REN: variants seen among roughly 807,000 people sequenced by gnomAD.
REN encodes angiotensin-forming enzyme.
Under a neutral mutation model 48.6 loss-of-function variants are expected in REN, and 42 were observed. The observed-to-expected ratio is 0.86, with a 90% CI of 0.68 to 1.12. The LOEUF (loss-of-function observed/expected upper bound fraction) is 1.12, where lower values mean the gene tolerates loss of function less well. Ranked by LOEUF, REN falls within the 50% of genes most tolerant of loss-of-function variation. REN has a pLI of 0.00. For missense variants in REN, 443 were observed against 527.3 expected, an observed-to-expected ratio of 0.84 and a Z score of 1.57; for synonymous variants, 196 against 204.6, an observed-to-expected ratio of 0.96 and a Z score of 0.36.
rs371421405 is a variant in REN at position 204,155,921 on chromosome 1, G to C, written c.961-3C>G. The C allele has an allele frequency of 1.9e-6, 3 of 1,610,902 alleles. No homozygotes were observed. Among genetic ancestry groups the C allele is most frequent in the Non-Finnish European group, 1.7e-6 (2 of 1,177,592 alleles). ...CCCTCGTTACACTTCACGACATACT[G>C]GGGTGGGGGGCAAAGAGAGCCTTCT... On this transcript the variant is annotated splice_polypyrimidine_tract_variant and splice_region_variant and intron_variant, in intron 8 of 9. Coordinates refer to ENST00000272190, the MANE Select transcript of REN (RefSeq NM_000537.4).
intron 3 of REN, 135 bp from the exon 4 acceptor site, chr1:204,160,813 T>C (rs1222680354): frequency 2.6e-6 from 2 of 772,510 alleles, no homozygotes; most frequent in African/African-American, 3.4e-5. Flanking sequence ...GGGCTTGGAA[T>C]ATGTGCTTCA....
chr1:204,159,208 T>C lies in REN; in HGVS notation c.689+191A>G, dbSNP rs895682983. 5 of 675,096 alleles carry C rather than the reference T, an allele frequency of 7.4e-6. No homozygotes were observed. The African/African-American group carries it at 8.9e-5, about 12-fold the overall frequency. 41.8% of individuals were successfully genotyped at this position (675,096 alleles called of 1,614,324 possible). A position where few individuals can be genotyped will look rare whatever the true frequency, so the allele number is the denominator to read the frequency against. ...AAGAGCCACCAGTTGAATGCTTAAT[T>C]GATGCTTAACTGTATTTAATTAATT... On this transcript the variant is annotated intron_variant, in intron 5 of 9. Transcript: ENST00000272190.
rs1658161150 is a variant in REN at position 204,156,920 on chromosome 1, G to A, written c.699-124C>T. 7 of 1,244,806 alleles carry A rather than the reference G, an allele frequency of 5.6e-6. No individual in the cohort carries two copies. Among genetic ancestry groups the A allele is most frequent in the Middle Eastern group, 2.5e-4 (1 of 3,942 alleles). 77.1% of individuals were successfully genotyped at this position (1,244,806 alleles called of 1,614,324 possible). The stretch of plus-strand genomic sequence containing the variant: ...AGGGCTCTAGAGCAGAGGAATGTGG[G>A]ACAGACAGCCAGGCTCGGAGCTGTC... On this transcript the variant is annotated intron_variant, in intron 6 of 9. Coordinates refer to ENST00000272190, the MANE Select transcript of REN (RefSeq NM_000537.4). The surrounding 1 kb of genome is among the most constrained non-coding windows in gnomAD (Gnocchi z 4.2).
At position 204,166,205 on chromosome 1, in the gene REN, G is replaced by A; in HGVS notation, c.89C>T (p.Thr30Ile). 1 of 1,613,974 alleles carries A rather than the reference G, an allele frequency of 6.2e-7. No homozygotes were observed. Residue 30 changes from threonine to isoleucine, a missense_variant, in exon 1 of 10, where the codon ACC (threonine) becomes ATC (isoleucine). Transcript: ENST00000272190. ...CTFGLPTDTTTFKRIFLKRMP... is the reference protein window; with the variant it reads ...CTFGLPTDTTIFKRIFLKRMP... ...CTGAGTTACCAATTACCGTTTAAAG[G>A]TGGTGGTGTCTGTCGGGAGACCAAA...
At chr1:204,165,727 G>A (rs963973361) in intron 1 of REN, among the ~76,000 whole-genome samples, 5 of 152,150 alleles carry the variant, frequency 3.3e-5, no homozygotes, top group African/African-American at 9.6e-5. Context: ...AGTAGCTGGG[G>A]ATTACAAGTG....
In REN at chr1:204,159,408, T is replaced by C; in HGVS notation, c.680A>G (p.Tyr227Cys). The C allele has an allele frequency of 6.2e-7, 1 of 1,613,838 alleles. No individual in the cohort carries two copies. The highest frequency in any genetic ancestry group is 8.5e-7 in the Non-Finnish European group (1 of 1,179,890). Residue 227 changes from tyrosine (Y) to cysteine (C), a missense_variant, in exon 5 of 10, where the codon TAC (tyrosine) becomes TGC (cysteine). Tyr to Cys is a radical substitution (Grantham distance 194). Coordinates refer to ENST00000272190, the MANE Select transcript of REN (RefSeq NM_000537.4). The part of the protein sequence containing the change: ...GVLKEDVFSF[Y>C]YNRDSENSQS... Reference sequence around the variant, plus strand: ...GAGTCCCAGTCCCCACCTGTTGTAGTAGAAAGAGAAGACGTCCTCTTTTAG... The same window carrying C: ...GAGTCCCAGTCCCCACCTGTTGTAGCAGAAAGAGAAGACGTCCTCTTTTAG...
chr1:204,156,277 G>A lies in REN; in HGVS notation c.861C>T (p.Cys287=). The A allele has an allele frequency of 6.2e-7, 1 of 1,614,178 alleles. No individual in the cohort carries two copies. Among genetic ancestry groups the A allele is most frequent in the Non-Finnish European group, 8.5e-7 (1 of 1,180,042 alleles). Residue 287 remains cysteine, a synonymous_variant, in exon 8 of 10, where the codon TGC becomes TGT. Coordinates refer to ENST00000272190, the MANE Select transcript of REN (RefSeq NM_000537.4). The surrounding 1 kb of genome is among the most constrained non-coding windows in gnomAD (Gnocchi z 4.2). ...ATGCACCGGTGTCTACCAATGCCAG[G>A]CAGCCGTCTTCACAGAGCAAGGTGG... is the stretch of plus-strand genomic sequence containing the variant. ...GSSTLLCEDG[C]LALVDTGASY...
At chr1:204,160,152 G>C (rs1482792917) in intron 4 of REN, among the ~76,000 whole-genome samples, 2 of 152,176 alleles carry the variant, frequency 1.3e-5, no homozygotes, top group Non-Finnish European at 2.9e-5. Flanking sequence ...GCCTTGACCT[G>C]AGTCCCAGAG....
chr1:204,160,361 C>T (rs1658220779), intron 4 of REN, among the ~76,000 whole-genome samples, 199 bp downstream of exon 4: 1 of 152,246 alleles, frequency 6.6e-6, no homozygotes, highest in Non-Finnish European at 1.5e-5. Flanking sequence ...AACGGTGAGC[C>T]CGTAGCCCAG....
At chr1:204,161,469 G>T in intron 2 of REN, 54 bp from the exon 3 acceptor site, 1 of 1,404,056 alleles carries the variant, frequency 7.1e-7, no homozygotes. Flanking sequence ...TGGGTCTTGG[G>T]GTCTTGCCTG....
Position 204,155,014 on chromosome 1 carries a change from C to T in REN, c.*2G>A. The T allele has an allele frequency of 6.2e-7, 1 of 1,613,766 alleles. No homozygotes were observed. Among genetic ancestry groups the T allele is most frequent in the East Asian group, 2.2e-5 (1 of 44,886 alleles). ...CAGGGCCTGCCTGGGTGGCAGAGGG[C>T]CTCAGCGGGCCAAGGCGAAGCCAAT... is the stretch of plus-strand genomic sequence containing the variant. On this transcript the variant is annotated 3_prime_UTR_variant, in exon 10 of 10. Coordinates refer to ENST00000272190, the MANE Select transcript of REN (RefSeq NM_000537.4).
intron 1 of REN, among the ~76,000 whole-genome samples, chr1:204,163,911 A>G (rs1363922268): frequency 6.6e-6 from 1 of 152,188 alleles, no homozygotes; most frequent in Non-Finnish European, 1.5e-5. Flanking sequence ...CCTCAGAGTC[A>G]CTGTGCAGAT....
chr1:204,160,565 T>C lies in REN; in HGVS notation c.487A>G (p.Ile163Val). 1 of 1,612,004 alleles carries C rather than the reference T, an allele frequency of 6.2e-7. No homozygotes were observed. The highest frequency in any genetic ancestry group is 1.1e-5 in the South Asian group (1 of 91,048). ...CCTAGGGCGGCCCAACTTACGGTGA[T>C]GATGTCCTGGCTGAGAAAGCCACTG... ...TVSGFLSQDI[I>V]TVGGITVTQM... The change falls in exon 4 of 10, where the codon ATC becomes GTC. Residue 163 changes from isoleucine (I) to valine (V), a missense_variant. Coordinates refer to ENST00000272190, the MANE Select transcript of REN (RefSeq NM_000537.4).
At position 204,156,950 on chromosome 1, in the gene REN, G is replaced by A. The variant is rs1409892674; in HGVS notation, c.699-154C>T. Among the ~76,000 whole-genome samples, 3 of 152,080 alleles carry A rather than the reference G, an allele frequency of 2.0e-5. No individual in the cohort carries two copies. The highest frequency in any genetic ancestry group is 4.4e-5 in the Non-Finnish European group (3 of 68,026). ...ACAGCCAGGCTCGGAGCTGTCGTTG[G>A]GAAGCATGCAGAACATACTGCTTCT... On this transcript the variant is annotated intron_variant, in intron 6 of 9. Transcript: ENST00000272190. The surrounding 1 kb of genome is among the most constrained non-coding windows in gnomAD (Gnocchi z 4.2).
chr1:204,159,689 A>C (rs1272241622), intron 4 of REN, 94 bp from the exon 5 acceptor site: 16 of 1,061,302 alleles, frequency 1.5e-5, no homozygotes, highest in Non-Finnish European at 2.0e-5. Context: ...CCAGGGGCAC[A>C]CATGCTCCAG....
At chr1:204,164,367 T>C (rs1356197700) in intron 1 of REN, among the ~76,000 whole-genome samples, 1 of 152,148 alleles carries the variant, frequency 6.6e-6, no homozygotes, top group Non-Finnish European at 1.5e-5. Context: ...TGCTGAGTTG[T>C]TGGGGGCATG....
chr1:204,156,606 C>A lies in REN; in HGVS notation c.818+71G>T. 6.3e-7 allele frequency: 1 copy of A among 1,595,916 alleles called. No individual in the cohort carries two copies. The highest frequency in any genetic ancestry group is 1.1e-5 in the South Asian group (1 of 90,388). ...AAGAGGGCAGGATGGTAATGCAGTC[C>A]TTCCCCACCCTCCCCAACCCCAGTG... On this transcript the variant is annotated intron_variant, in intron 7 of 9. Coordinates refer to ENST00000272190, the MANE Select transcript of REN (RefSeq NM_000537.4). The surrounding 1 kb of genome is among the most constrained non-coding windows in gnomAD (Gnocchi z 4.2).
chr1:204,160,055 C>G (rs1344271222), intron 4 of REN, among the ~76,000 whole-genome samples: 2 of 152,156 alleles, frequency 1.3e-5, no homozygotes, highest in Non-Finnish European at 2.9e-5. Flanking sequence ...CCACGTGTGC[C>G]CCTCCCCTAA....
chr1:204,165,293 A>G (rs1454964153), intron 1 of REN, among the ~76,000 whole-genome samples: 1 of 152,088 alleles, frequency 6.6e-6, no homozygotes, highest in Non-Finnish European at 1.5e-5. Context: ...TGATATTTGT[A>G]AGAATCTATC....
Sources: gnomAD v4.1 joint callset for allele counts (sites outside exome capture counted in the v4.1 genomes callset) on GRCh38, gnomAD v4.1.1 for gene constraint, Gnocchi (gnomAD v3.1) non-coding constraint, MANE v1.5 for transcripts, NCBI Gene and HGNC (gene_info 2026-07-23, HGNC 2026-07-21) for gene names.